The following KCNQ5 variants were observed in gnomAD, a reference collection of about 807,000 sequenced individuals.
KCNQ5 encodes potassium voltage-gated channel subfamily KQT member 5.
Under a neutral mutation model 98.2 loss-of-function variants are expected in KCNQ5, and 30 were observed. The observed-to-expected ratio is 0.31, with a 90% CI of 0.23 to 0.41. The LOEUF (loss-of-function observed/expected upper bound fraction) is 0.41, where lower values mean the gene tolerates loss of function less well. Among genes scored for constraint, KCNQ5 ranks in the 10% least tolerant of loss-of-function variants. The pLI, the probability that KCNQ5 is intolerant of heterozygous loss-of-function variation, is 1.00. For missense variants in KCNQ5, 835 were observed against 1,182.5 expected, an observed-to-expected ratio of 0.71 and a Z score of 4.31; for synonymous variants, 458 against 449.4, an observed-to-expected ratio of 1.02 and a Z score of -0.24.
In KCNQ5 at chr6:73,190,568, T is replaced by C. The variant is rs1218576267; in HGVS notation, c.1578-5T>C. 2.1e-6 allele frequency: 3 copies of C among 1,456,418 alleles called. No homozygotes were observed. The highest frequency in any genetic ancestry group is 2.8e-6 in the Non-Finnish European group (3 of 1,063,220). 90.2% of individuals were successfully genotyped at this position (1,456,418 alleles called of 1,614,324 possible). On this transcript the variant is annotated splice_polypyrimidine_tract_variant and splice_region_variant and intron_variant, in intron 11 of 13. Transcript: ENST00000370398. ...AAGATTAATATGTAATATGTTCTCA[T>C]ACAGAATTATGAAATTTCATGTTGC...
intron 2 of KCNQ5, among the ~76,000 whole-genome samples, chr6:73,019,327 T>C (rs1284962551): frequency 6.6e-6 from 1 of 152,188 alleles, no homozygotes; most frequent in Non-Finnish European, 1.5e-5. Context: ...GCCCTGTTCT[T>C]TTTAGTGTGA....
At chr6:73,010,323 T>C (rs1472557308) in intron 2 of KCNQ5, among the ~76,000 whole-genome samples, 7 of 151,986 alleles carry the variant, frequency 4.6e-5, no homozygotes, top group Non-Finnish European at 7.4e-5. Context: ...GATTAAAATA[T>C]ATATATATAC....
chr6:72,892,289 G>A (rs1318233267), intron 1 of KCNQ5, among the ~76,000 whole-genome samples: 1 of 152,116 alleles, frequency 6.6e-6, no homozygotes, highest in East Asian at 1.9e-4. Flanking sequence ...CTGTTCTTAG[G>A]CTCTTACTGC....
chr6:72,973,408 A>AT (rs1006961973), intron 1 of KCNQ5, among the ~76,000 whole-genome samples: 38 of 149,634 alleles, frequency 2.5e-4, no homozygotes, highest in East Asian at 5.9e-4. Flanking sequence ...GCATTTTGCA[A>AT]TTTTTTTTTT....
intron 1 of KCNQ5, among the ~76,000 whole-genome samples, chr6:72,635,734 C>T (rs1582017964): frequency 2.4e-5 from 2 of 84,116 alleles, no homozygotes; most frequent in Middle Eastern, 0.014. Context: ...AATGGTGTTT[C>T]TCCCCATTTC....
chr6:72,855,941 T>C (rs1056616640), intron 1 of KCNQ5, among the ~76,000 whole-genome samples: 2 of 152,216 alleles, frequency 1.3e-5, no homozygotes, highest in African/African-American at 4.8e-5. Context: ...TATAAAACCA[T>C]TGTAATTCAC....
At chr6:72,780,098 T>A (rs1773384957) in intron 1 of KCNQ5, among the ~76,000 whole-genome samples, 1 of 152,148 alleles carries the variant, frequency 6.6e-6, no homozygotes, top group Non-Finnish European at 1.5e-5. Context: ...AGGCATTTAT[T>A]AAGTATTCTT....
intron 10 of KCNQ5, among the ~76,000 whole-genome samples, chr6:73,161,986 G>A (rs539957239): frequency 3.3e-5 from 5 of 152,086 alleles, no homozygotes; most frequent in African/African-American, 9.6e-5. Context: ...GTGCGATCTT[G>A]GCTCACTGCA....
intron 1 of KCNQ5, among the ~76,000 whole-genome samples, chr6:72,652,457 C>T (rs1383555486): frequency 2.0e-5 from 3 of 151,716 alleles, no homozygotes; most frequent in African/African-American, 7.3e-5. Flanking sequence ...TTTTCTCCTC[C>T]CTCTTTTTCC....
intron 1 of KCNQ5, among the ~76,000 whole-genome samples, chr6:72,853,218 G>A (rs1338306684): frequency 6.6e-6 from 1 of 152,154 alleles, no homozygotes; most frequent in African/African-American, 2.4e-5. Flanking sequence ...CCAATAGACA[G>A]TTGAATAAGA....
chr6:73,045,480 A>G (rs1771920188), intron 3 of KCNQ5, among the ~76,000 whole-genome samples: 1 of 152,176 alleles, frequency 6.6e-6, no homozygotes, highest in Admixed American at 6.6e-5. Flanking sequence ...AGCTATGAGC[A>G]CTAATTGCTG....
chr6:72,879,060 A>C, intron 1 of KCNQ5, among the ~76,000 whole-genome samples: 1 of 152,188 alleles, frequency 6.6e-6, no homozygotes, highest in East Asian at 1.9e-4. Flanking sequence ...TGACTATAAG[A>C]GACAATGCTG....
At chr6:72,686,626 A>G (rs990379941) in intron 1 of KCNQ5, among the ~76,000 whole-genome samples, 3 of 150,882 alleles carry the variant, frequency 2.0e-5, no homozygotes, top group Non-Finnish European at 4.4e-5. Context: ...TTTCATAATA[A>G]CTTTTTAAAA....
chr6:72,667,396 C>T (rs1766877605), intron 1 of KCNQ5, among the ~76,000 whole-genome samples: 1 of 152,124 alleles, frequency 6.6e-6, no homozygotes, highest in Non-Finnish European at 1.5e-5. Flanking sequence ...GAATTCAGGC[C>T]TTTGCCTTTT....
chr6:72,834,786 A>T (rs1204420131), intron 1 of KCNQ5, among the ~76,000 whole-genome samples: 1 of 152,108 alleles, frequency 6.6e-6, no homozygotes, highest in Non-Finnish European at 1.5e-5. Flanking sequence ...CGTATCCCAG[A>T]TAATATTCCA....
At position 72,875,195 on chromosome 6, in the gene KCNQ5, C is replaced by T. The variant is rs1388607363; in HGVS notation, c.399-128713C>T. ...AAAGTCCATTATGACAACCTCATCA[C>T]AGTGAACTCAGCCACAGCCACACAA... is the stretch of plus-strand genomic sequence containing the variant. On this transcript the variant is annotated intron_variant, in intron 1 of 13. Coordinates refer to ENST00000370398, the MANE Select transcript of KCNQ5 (RefSeq NM_019842.4). Among the ~76,000 whole-genome samples the T allele has an allele frequency of 2.0e-5, 3 of 152,322 alleles. No homozygotes were observed. The South Asian group carries it at 6.2e-4, about 32-fold the overall frequency.
intron 1 of KCNQ5, among the ~76,000 whole-genome samples, chr6:72,626,163 G>A (rs1413571327): frequency 1.1e-4 from 17 of 152,228 alleles, no homozygotes. Flanking sequence ...GTGAACAAGT[G>A]TGAAACAATG....
intron 1 of KCNQ5, among the ~76,000 whole-genome samples, chr6:72,886,660 T>C (rs1778854782): frequency 1.3e-5 from 2 of 152,108 alleles, no homozygotes; most frequent in African/African-American, 4.8e-5. Flanking sequence ...CAGAATAGTC[T>C]CATTAGAAGC....
chr6:73,027,364 C>T (rs189394340), intron 2 of KCNQ5, among the ~76,000 whole-genome samples: 16 of 152,110 alleles, frequency 1.1e-4, no homozygotes, highest in African/African-American at 3.6e-4. Flanking sequence ...TGGGACAGAC[C>T]GACACGTATT....
Sources: allele counts gnomAD v4.1 joint callset (sites outside exome capture counted in the v4.1 genomes callset), GRCh38; gene constraint gnomAD v4.1.1; transcripts MANE v1.5; gene names NCBI Gene and HGNC (gene_info 2026-07-23, HGNC 2026-07-21).